Variants in ELMOD2 observed in about 807,000 individuals in gnomAD.
The protein encoded by ELMOD2 is ELMO domain containing 2, also known as ELMO domain-containing protein 2.
ELMOD2 carries 28 observed loss-of-function variants against 41.0 expected under a neutral mutation model. The observed-to-expected ratio is 0.68, with a 90% confidence interval of 0.51 to 0.94. The LOEUF (loss-of-function observed/expected upper bound fraction) is 0.94, where lower values mean the gene tolerates loss of function less well. Among genes scored for constraint, ELMOD2 ranks in the 40% least tolerant of loss-of-function variants. ELMOD2 has a pLI of 0.00. For synonymous variants in ELMOD2, 106 were observed against 107.2 expected, an observed-to-expected ratio of 0.99 and a Z score of 0.07; for missense variants, 333 against 343.1, an observed-to-expected ratio of 0.97 and a Z score of 0.23.
intron 3 of ELMOD2, chr4:140,528,054 G>C (rs557596323): frequency 6.6e-6 from 1 of 152,404 alleles, no homozygotes; most frequent in South Asian, 2.1e-4. Flanking sequence ...CTGGGACTCA[G>C]GTAGGGGGTT....
chr4:140,535,137 T>TCTCTCTCTCTCTCTCTCTCTC (rs1560827004), intron 3 of ELMOD2, among the ~76,000 whole-genome samples: 1 of 141,402 alleles, frequency 7.1e-6, no homozygotes, highest in Non-Finnish European at 1.5e-5. Context: ...ATCTGTTTCT[T>TCTCTCTCTCTCTCTCTCTCTC]TCTCTCTCTC....
intron 3 of ELMOD2, among the ~76,000 whole-genome samples, chr4:140,533,513 C>A (rs961518961): frequency 6.6e-6 from 1 of 152,064 alleles, no homozygotes; most frequent in Non-Finnish European, 1.5e-5. Context: ...TAATTTAATA[C>A]GGATGTTAGA....
At chr4:140,538,715 A>G (rs943708489) in intron 5 of ELMOD2, among the ~76,000 whole-genome samples, 2 of 152,186 alleles carry the variant, frequency 1.3e-5, no homozygotes, top group African/African-American at 2.4e-5. Context: ...GTTCTACACT[A>G]CACATACTCA....
At position 140,551,061 on chromosome 4, in the gene ELMOD2, G is replaced by A. The variant is rs1489896010; in HGVS notation, c.*686G>A. The stretch of plus-strand genomic sequence containing the variant: ...CACAGTGTTATTTGAAAGCTTAAAG[G>A]CATTTTCTCATCTTCAGTATTTGCT... On this transcript the variant is annotated 3_prime_UTR_variant, in exon 9 of 9. Transcript: ENST00000323570. The A allele has an allele frequency of 6.6e-6, 1 of 152,026 alleles. No individual in the cohort carries two copies. Among genetic ancestry groups the A allele is most frequent in the African/African-American group, 2.4e-5 (1 of 41,416 alleles). 9.4% of individuals were successfully genotyped at this position (152,026 alleles called of 1,614,324 possible). A position where few individuals can be genotyped will look rare whatever the true frequency, so the allele number is the denominator to read the frequency against.
rs781278295 is a variant in ELMOD2, at chr4:140,535,763, A to G, written c.202A>G (p.Ser68Gly). The G allele has an allele frequency of 1.6e-5, 26 of 1,611,616 alleles. No homozygotes were observed. The African/African-American group carries it at 3.1e-4, about 19-fold the overall frequency. The change falls in exon 4 of 9, where the codon AGT (serine) becomes GGT (glycine). Residue 68 changes from serine to glycine, a missense_variant. Transcript: ENST00000323570. ...VLQKATHVVQ[S>G]EVDKYVDDIM... is the part of the protein sequence containing the mutation. The stretch of plus-strand genomic sequence containing the variant: ...ACAGAAGGCGACACATGTTGTTCAG[A>G]GTGAAGTGGACAAATATGTAGATGA...
intron 8 of ELMOD2, among the ~76,000 whole-genome samples, chr4:140,549,814 T>C (rs1476265360): frequency 1.3e-5 from 2 of 148,836 alleles, no homozygotes; most frequent in Non-Finnish European, 3.0e-5. Context: ...GCCTCCCAAG[T>C]AGCTGGGACA....
intron 8 of ELMOD2, among the ~76,000 whole-genome samples, chr4:140,547,684 TC>T (rs1447506355): frequency 6.6e-6 from 1 of 152,178 alleles, no homozygotes; most frequent in Non-Finnish European, 1.5e-5. Flanking sequence ...ATCATCATAA[TC>T]CACTTTTAGA....
At chr4:140,548,951 C>T (rs1735379183) in intron 8 of ELMOD2, among the ~76,000 whole-genome samples, 1 of 152,004 alleles carries the variant, frequency 6.6e-6, no homozygotes, top group Admixed American at 6.6e-5. Context: ...TAAGTTTTAA[C>T]ATATGTATAC....
intron 6 of ELMOD2, 49 bp from the exon 7 acceptor site, chr4:140,542,525 A>C (rs1197173462): frequency 7.2e-7 from 1 of 1,395,064 alleles, no homozygotes; most frequent in African/African-American, 1.4e-5. Flanking sequence ...TGGATATCTT[A>C]CATTTGAATG....
At position 140,525,462 on chromosome 4, in the gene ELMOD2, C is replaced by A. The variant is rs1560821678; in HGVS notation, c.34C>A (p.His12Asn). 3 of 1,613,546 alleles carry A rather than the reference C, an allele frequency of 1.9e-6. No homozygotes were observed. The highest frequency in any genetic ancestry group is 1.7e-5 in the Admixed American group (1 of 59,942). ...TTCTTTGTGGGAGTTCTTCTATGGGCACTTTTTTCGATTTTGGATGAAATG... is the reference window on the plus strand; with the variant it reads ...TTCTTTGTGGGAGTTCTTCTATGGGAACTTTTTTCGATTTTGGATGAAATG... ...FISLWEFFYG[H>N]FFRFWMKWLL... The change falls in exon 2 of 9, where the codon CAC becomes AAC. Residue 12 changes from histidine (H) to asparagine (N), a missense_variant. His to Asn is a moderately conservative substitution (Grantham distance 68). Coordinates refer to ENST00000323570, the MANE Select transcript of ELMOD2 (RefSeq NM_153702.4).
At chr4:140,530,678 ATCACT>A (rs1734719921) in intron 3 of ELMOD2, among the ~76,000 whole-genome samples, 1 of 152,196 alleles carries the variant, frequency 6.6e-6, no homozygotes, top group Non-Finnish European at 1.5e-5. Flanking sequence ...CTGAAATTAA[ATCACT>A]TAACGATTTA....
At chr4:140,535,181 T>G (rs1010259986) in intron 3 of ELMOD2, among the ~76,000 whole-genome samples, 3 of 140,920 alleles carry the variant, frequency 2.1e-5, no homozygotes, top group African/African-American at 7.5e-5. Flanking sequence ...CTCTCTCGCC[T>G]TGGGGTATAT....
chr4:140,538,825 C>T (rs1003456130), intron 5 of ELMOD2, among the ~76,000 whole-genome samples: 1 of 152,180 alleles, frequency 6.6e-6, no homozygotes, highest in African/African-American at 2.4e-5. Context: ...ATGTACACTC[C>T]AAAGTTCCAC....
At chr4:140,545,232 G>A (rs1010143936) in intron 8 of ELMOD2, among the ~76,000 whole-genome samples, 5 of 151,670 alleles carry the variant, frequency 3.3e-5, no homozygotes, top group Non-Finnish European at 5.9e-5. Context: ...GTTTCTTTTC[G>A]AAACATTATC....
rs145132979 is a variant in ELMOD2 at position 140,531,375 on chromosome 4, A to G, written c.171+3881A>G. ...AACAAACTGGGATTTATAAATAAAA[A>G]TTAATGACTTATTCGAATTTGAGGA... On this transcript the variant is annotated intron_variant, in intron 3 of 8. Coordinates refer to ENST00000323570, the MANE Select transcript of ELMOD2 (RefSeq NM_153702.4). Among the ~76,000 whole-genome samples, 1,461 of 152,326 alleles carry G rather than the reference A, an allele frequency of 9.6e-3. 22 individuals carry two copies. Among genetic ancestry groups the G allele is most frequent in the African/African-American group, 0.032 (1,320 of 41,580 alleles).
At chr4:140,525,873 T>C (rs921229588) in intron 2 of ELMOD2, among the ~76,000 whole-genome samples, 1 of 152,234 alleles carries the variant, frequency 6.6e-6, no homozygotes, top group Non-Finnish European at 1.5e-5. Context: ...ATAATCCCTT[T>C]GAAATTTTCA....
In ELMOD2 at chr4:140,540,425, GC is replaced by G; in HGVS notation, c.533+125del. ...ATCTCTGAATTTTAATAACTGCAGT[GC>G]TGGAAGTATTTGCTAATGTGTTGGC... On this transcript the variant is annotated intron_variant, in intron 6 of 8. Transcript: ENST00000323570. The G allele has an allele frequency of 2.3e-6, 3 of 1,277,378 alleles. No homozygotes were observed. In the South Asian group the frequency reaches 4.6e-5, roughly 19 times the overall value. The allele number at this position is 1,277,378 out of a possible 1,614,324, so 79.1% of individuals were successfully genotyped here.
At chr4:140,537,299 A>G (rs1233530331) in intron 4 of ELMOD2, 113 bp from the exon 5 acceptor site, 6 of 974,292 alleles carry the variant, frequency 6.2e-6, no homozygotes, top group Admixed American at 4.0e-5. Context: ...TGGGTCTTAT[A>G]TTAAACTGAA....
At chr4:140,525,323 A>T in intron 1 of ELMOD2, 97 bp from the exon 2 acceptor site, 5 of 1,267,320 alleles carry the variant, frequency 3.9e-6, no homozygotes, top group Non-Finnish European at 5.4e-6. Context: ...GAAATGATAG[A>T]TACATAATTT....
Sources: allele counts gnomAD v4.1 joint callset (sites outside exome capture counted in the v4.1 genomes callset), GRCh38; gene constraint gnomAD v4.1.1; transcripts MANE v1.5; gene names NCBI Gene and HGNC (gene_info 2026-07-23, HGNC 2026-07-21).